The following POU6F2 variants were observed in gnomAD, a reference collection of about 807,000 sequenced individuals.
POU6F2 encodes the protein POU class 6 homeobox 2.
Under a neutral mutation model 71.3 loss-of-function variants are expected in POU6F2, and 31 were observed. The ratio of observed to expected loss-of-function variants is 0.43; its 90% CI spans 0.33 to 0.59. The LOEUF is 0.59. POU6F2 is among the 20% of genes least tolerant of loss of function. The pLI, the probability that POU6F2 is intolerant of heterozygous loss-of-function variation, is 0.04. For missense variants in POU6F2, 783 were observed against 856.8 expected (o/e 0.91, Z 1.07); for synonymous variants, 347 against 355.7 (o/e 0.98, Z 0.27).
In POU6F2 at chr7:39,037,962, A is replaced by AAT. The variant is rs1790101621; in HGVS notation, c.106-47892_106-47891dup. On this transcript the variant is annotated intron_variant, in intron 1 of 9. Coordinates refer to ENST00000518318, the MANE Select transcript of POU6F2 (RefSeq NM_001370959.1). ...TTTTCCAAAAATCTCTCCAAATTCAAATATATAGCAGGTTTATTTTGATGG... is the reference window on the plus strand; with the variant it reads ...TTTTCCAAAAATCTCTCCAAATTCAAATATATATAGCAGGTTTATTTTGATGG... Among the ~76,000 whole-genome samples, 10 of 152,194 alleles carry AAT rather than the reference A, an allele frequency of 6.6e-5. No homozygotes were observed. In the East Asian group the frequency reaches 1.9e-3, roughly 29 times the overall value.
intron 6 of POU6F2, among the ~76,000 whole-genome samples, chr7:39,420,933 T>A (rs1787836307): frequency 6.6e-6 from 1 of 152,168 alleles, no homozygotes; most frequent in Non-Finnish European, 1.5e-5. Context: ...ATTGGTTTAT[T>A]AGCAATAAGA....
chr7:39,137,623 G>A (rs138732386), intron 2 of POU6F2, among the ~76,000 whole-genome samples: 1 of 152,132 alleles, frequency 6.6e-6, no homozygotes, highest in Non-Finnish European at 1.5e-5. Context: ...TTAATTGGTT[G>A]TCACAAAAAA....
intron 1 of POU6F2, among the ~76,000 whole-genome samples, chr7:38,999,807 T>C (rs1298415634): frequency 1.3e-5 from 2 of 152,186 alleles, no homozygotes; most frequent in Admixed American, 6.5e-5. Context: ...ATTGCTTTGT[T>C]GGGGCGTACC....
intron 5 of POU6F2, among the ~76,000 whole-genome samples, chr7:39,382,800 A>G (rs920538069): frequency 2.0e-5 from 3 of 152,182 alleles, no homozygotes; most frequent in Non-Finnish European, 4.4e-5. Context: ...TGACGGGCAA[A>G]GCTCCTCAGG....
At chr7:39,015,668 ATAT>A (rs370259285) in intron 1 of POU6F2, among the ~76,000 whole-genome samples, 134 of 101,466 alleles carry the variant, frequency 1.3e-3, no homozygotes, top group Non-Finnish European at 1.5e-3. Context: ...ATATATAGAT[ATAT>A]TATATCTATG....
At chr7:39,043,007 T>A (rs1790220745) in intron 1 of POU6F2, among the ~76,000 whole-genome samples, 1 of 151,968 alleles carries the variant, frequency 6.6e-6, no homozygotes, top group Admixed American at 6.6e-5. Flanking sequence ...ACTGGGCAAG[T>A]GATTCTGGAG....
At chr7:39,096,781 GGCT>G (rs1791463607) in intron 2 of POU6F2, among the ~76,000 whole-genome samples, 1 of 152,158 alleles carries the variant, frequency 6.6e-6, no homozygotes, top group Non-Finnish European at 1.5e-5. Context: ...AAAAATAGAT[GGCT>G]GAAAGCCGAA....
At chr7:39,142,552 T>C (rs1792525746) in intron 2 of POU6F2, among the ~76,000 whole-genome samples, 1 of 152,214 alleles carries the variant, frequency 6.6e-6, no homozygotes. Flanking sequence ...AAATATTACC[T>C]AATAAAGTTC....
Position 39,263,408 on chromosome 7 carries a change from A to G in POU6F2, c.598+55788A>G, listed in dbSNP as rs995680510. Among the ~76,000 whole-genome samples the G allele has an allele frequency of 5.1e-4, 77 of 152,128 alleles. 1 individual carries two copies. The highest frequency in any genetic ancestry group is 1.2e-4 in the Non-Finnish European group (8 of 68,006). The stretch of plus-strand genomic sequence containing the variant: ...ATAGCAGTCAAGGTTTTTTTCTTTT[A>G]GCATCTTATTCTGAATGTATTCCTG... On this transcript the variant is annotated intron_variant, in intron 4 of 9. Coordinates refer to ENST00000518318, the MANE Select transcript of POU6F2 (RefSeq NM_001370959.1).
At chr7:39,056,656 C>T (rs10224015) in intron 1 of POU6F2, among the ~76,000 whole-genome samples, 1 of 125,918 alleles carries the variant, frequency 7.9e-6, no homozygotes, top group Non-Finnish European at 1.7e-5. Context: ...TTTTCTCTCT[C>T]TCTCTCTGTG....
intron 1 of POU6F2, among the ~76,000 whole-genome samples, chr7:38,987,058 T>C (rs1300491937): frequency 6.6e-6 from 1 of 152,158 alleles, no homozygotes; most frequent in Non-Finnish European, 1.5e-5. Context: ...AGAAGTTTCA[T>C]TTCTCTTAAC....
chr7:39,012,894 A>C (rs537351931), intron 1 of POU6F2, among the ~76,000 whole-genome samples: 1 of 152,170 alleles, frequency 6.6e-6, no homozygotes. Context: ...TCAGATCTCC[A>C]GCTGCGTGCT....
chr7:39,064,993 T>G (rs1790728959), intron 1 of POU6F2, among the ~76,000 whole-genome samples: 1 of 151,832 alleles, frequency 6.6e-6, no homozygotes, highest in South Asian at 2.1e-4. Context: ...AACTCATCGG[T>G]CAACTTTAGC....
At chr7:39,064,952 T>A (rs1790728078) in intron 1 of POU6F2, among the ~76,000 whole-genome samples, 1 of 151,894 alleles carries the variant, frequency 6.6e-6, no homozygotes, top group Non-Finnish European at 1.5e-5. Context: ...CAATGCGAAG[T>A]TGATTAAAAA....
intron 4 of POU6F2, among the ~76,000 whole-genome samples, chr7:39,233,498 T>C (rs1426363842): frequency 2.6e-5 from 4 of 152,194 alleles, no homozygotes; most frequent in Non-Finnish European, 4.4e-5. Flanking sequence ...CTGGGACTTG[T>C]AGGAAGGGTC....
intron 1 of POU6F2, among the ~76,000 whole-genome samples, chr7:39,072,480 T>C (rs1790904393): frequency 6.6e-6 from 1 of 152,240 alleles, no homozygotes; most frequent in Non-Finnish European, 1.5e-5. Flanking sequence ...CAATTGTTTA[T>C]GAAGACTTCG....
chr7:39,292,673 T>C (rs1378660906), intron 4 of POU6F2, among the ~76,000 whole-genome samples: 1 of 152,196 alleles, frequency 6.6e-6, no homozygotes, highest in Non-Finnish European at 1.5e-5. Context: ...GCCCTGTACA[T>C]AAGCTGACCA....
intron 1 of POU6F2, among the ~76,000 whole-genome samples, chr7:39,078,135 G>C (rs1038579165): frequency 2.0e-5 from 3 of 152,214 alleles, no homozygotes; most frequent in African/African-American, 7.2e-5. Flanking sequence ...ACCAAGAGCT[G>C]CCACACATTC....
intron 6 of POU6F2, among the ~76,000 whole-genome samples, chr7:39,417,993 A>C (rs548447295): frequency 6.6e-6 from 1 of 152,332 alleles, no homozygotes; most frequent in Admixed American, 6.5e-5. Context: ...CCAAGCAGCT[A>C]TTTATGTGCC....
Sources: allele counts gnomAD v4.1 joint callset (sites outside exome capture counted in the v4.1 genomes callset), GRCh38; gene constraint gnomAD v4.1.1; transcripts MANE v1.5; gene names NCBI Gene and HGNC (gene_info 2026-07-23, HGNC 2026-07-21).